SBNO2: variants seen among roughly 807,000 people sequenced by gnomAD.
SBNO2 encodes strawberry notch homolog 2.
In SBNO2, 89 loss-of-function variants were observed where a neutral mutation model predicts 146.3. The ratio of observed to expected loss-of-function variants is 0.61; its 90% CI spans 0.51 to 0.73. The LOEUF (loss-of-function observed/expected upper bound fraction) is 0.73, where lower values mean the gene tolerates loss of function less well. Ranked by LOEUF, SBNO2 falls within the 30% of genes least tolerant of loss-of-function variation. The pLI is 0.00. For missense variants in SBNO2, 2,092 were observed against 2,003.7 expected (o/e 1.04, Z -0.84); for synonymous variants, 1,147 against 892.6 (o/e 1.29, Z -5.08).
rs1195996264 is a variant in SBNO2 at position 1,114,401 on chromosome 19, G to A, written c.1907C>T (p.Ala636Val). Residue 636 changes from alanine (A) to valine (V), a missense_variant, in exon 18 of 32, where the codon GCC becomes GTC. Ala to Val is a moderately conservative substitution (Grantham distance 64). Coordinates refer to ENST00000361757, the MANE Select transcript of SBNO2 (RefSeq NM_014963.3). ...KRKRRPRGRG[A>V]KAPRLACETA... is the part of the protein sequence containing the mutation. ...CTCGCACGCCAGCCGGGGGGCTTTG[G>A]CCCCGCGTCCCCGAGGTCGCCCTGC... is the stretch of plus-strand genomic sequence containing the variant. The A allele has an allele frequency of 1.3e-6, 2 of 1,543,314 alleles. No homozygotes were observed. Among genetic ancestry groups the A allele is most frequent in the South Asian group, 2.4e-5 (2 of 83,014 alleles).
rs2079735817 is a variant in SBNO2, at chr19:1,109,986, G to A, written c.3029-209C>T. On this transcript the variant is annotated intron_variant, in intron 26 of 31. Transcript: ENST00000361757. This position sits in a 1 kb window ranked among gnomAD's most constrained non-coding sequence, Gnocchi z 4.2. ...CCGCTCAGGTCCTAGGTAACCCCGA[G>A]CAGGCTGTGGGGGATCGTGGGAGCC... 6.6e-6 allele frequency among the ~76,000 whole-genome samples: 1 copy of A among 151,928 alleles called. No individual in the cohort carries two copies. The highest frequency in any genetic ancestry group is 2.4e-5 in the African/African-American group (1 of 41,310).
chr19:1,166,081 T>C (rs370806615), intron 1 of SBNO2, among the ~76,000 whole-genome samples: 237 of 1,748 alleles, frequency 0.14, no homozygotes, highest in African/African-American at 0.16. Flanking sequence ...AGATCTCAGA[T>C]CCCAGACCCT....
intron 1 of SBNO2, among the ~76,000 whole-genome samples, chr19:1,164,289 C>G (rs2080379732): frequency 6.6e-6 from 1 of 152,168 alleles, no homozygotes; most frequent in South Asian, 2.1e-4. Context: ...CTTCTCTTGC[C>G]AAACCTCCTG....
intron 1 of SBNO2, among the ~76,000 whole-genome samples, chr19:1,155,678 G>A (rs549503376): frequency 7.2e-5 from 11 of 152,286 alleles, no homozygotes; most frequent in African/African-American, 2.2e-4. Flanking sequence ...TCCAAGCCTC[G>A]GTATGTTCCT....
In SBNO2 at chr19:1,144,649, GAC is replaced by G. The variant is rs1383695135; in HGVS notation, c.279+2658_279+2659del. Among the ~76,000 whole-genome samples the G allele has an allele frequency of 2.0e-5, 3 of 151,996 alleles. No homozygotes were observed. Among genetic ancestry groups the G allele is most frequent in the African/African-American group, 4.8e-5 (2 of 41,366 alleles). On this transcript the variant is annotated intron_variant, in intron 4 of 31. Coordinates refer to ENST00000361757, the MANE Select transcript of SBNO2 (RefSeq NM_014963.3). This position sits in a 1 kb window ranked among gnomAD's most constrained non-coding sequence, Gnocchi z 4.1. ...AGACGAAGACAGAGAGGGCGACAGA[GAC>G]AGAGGCAGAGAGGGAAACAGACGAA...
chr19:1,128,445 T>G (rs2079992660), intron 4 of SBNO2, among the ~76,000 whole-genome samples: 1 of 150,480 alleles, frequency 6.6e-6, no homozygotes, highest in African/African-American at 2.4e-5. Context: ...CGGGCTGGAG[T>G]GCAATGGTGT....
Position 1,113,847 on chromosome 19 carries a change from C to T in SBNO2, c.2078-143G>A, listed in dbSNP as rs552847423. ...GCAGGGTGGCGGGGAAGCCCGGCAC[C>T]GTGGCCCAGGACTGCTTTTCTGCAC... On this transcript the variant is annotated intron_variant, in intron 18 of 31. Coordinates refer to ENST00000361757, the MANE Select transcript of SBNO2 (RefSeq NM_014963.3). 21 of 1,134,846 alleles carry T rather than the reference C, an allele frequency of 1.9e-5. No homozygotes were observed. In the African/African-American group the frequency reaches 2.0e-4, roughly 11 times the overall value. The allele number at this position is 1,134,846 out of a possible 1,614,324, so 70.3% of individuals were successfully genotyped here.
Position 1,119,587 on chromosome 19 carries a change from GCT to G in SBNO2, c.1300_1301del (p.Ser434ProfsTer15). On this transcript the variant is annotated frameshift_variant, in exon 13 of 32. Coordinates refer to ENST00000361757, the MANE Select transcript of SBNO2 (RefSeq NM_014963.3). LOFTEE classifies it high-confidence loss of function. ...ASEPRNMIYM[S>X]RLGIWGEGTP... ...TGCCCTCGCCCCAGATACCCAAGCG[GCT>G]CATGTAGATCATGTTCCGAGGCTCA... is the stretch of plus-strand genomic sequence containing the variant. The G allele has an allele frequency of 6.2e-7, 1 of 1,611,322 alleles. No individual in the cohort carries two copies. Among genetic ancestry groups the G allele is most frequent in the Non-Finnish European group, 8.5e-7 (1 of 1,179,024 alleles).
Position 1,157,274 on chromosome 19 carries a change from A to C in SBNO2, c.-126-2872T>G, listed in dbSNP as rs2080299689. Among the ~76,000 whole-genome samples the C allele has an allele frequency of 6.6e-6, 1 of 151,740 alleles. No homozygotes were observed. The highest frequency in any genetic ancestry group is 1.5e-5 in the Non-Finnish European group (1 of 67,906). On this transcript the variant is annotated intron_variant, in intron 1 of 31. Transcript: ENST00000361757. The surrounding 1 kb of genome is among the most constrained non-coding windows in gnomAD (Gnocchi z 6.8). ...TGCCCCAATCCCCAGGATAAACCCT[A>C]GTGGGACACTGGGTGGGGTCTTGGG...
chr19:1,109,838 G>T lies in SBNO2; in HGVS notation c.3029-61C>A. On this transcript the variant is annotated intron_variant, in intron 26 of 31. Transcript: ENST00000361757. The surrounding 1 kb of genome is among the most constrained non-coding windows in gnomAD (Gnocchi z 4.2). ...CCTGGGACTGTGGGCTGGGGCCAGG[G>T]TCAGTCCCGTAGCCGGGGCGCACCC... The T allele has an allele frequency of 2.3e-6, 3 of 1,302,928 alleles. No individual in the cohort carries two copies. The highest frequency in any genetic ancestry group is 3.2e-6 in the Non-Finnish European group (3 of 933,298). The allele number at this position is 1,302,928 out of a possible 1,614,324, so 80.7% of individuals were successfully genotyped here. A position where few individuals can be genotyped will look rare whatever the true frequency, so the allele number is the denominator to read the frequency against.
chr19:1,147,296 C>T lies in SBNO2; in HGVS notation c.279+13G>A. 6.4e-7 allele frequency: 1 copy of T among 1,563,190 alleles called. No individual in the cohort carries two copies. Among genetic ancestry groups the T allele is most frequent in the Admixed American group, 1.8e-5 (1 of 56,144 alleles). On this transcript the variant is annotated intron_variant, in intron 4 of 31. Coordinates refer to ENST00000361757, the MANE Select transcript of SBNO2 (RefSeq NM_014963.3). ...CTGCCCCCCACGGCGCGGTGAGCTC[C>T]TGGGGCTCCTACCTGAGCAAAGTCG...
rs10411834 is a variant in SBNO2, at chr19:1,128,192, A to G, written c.280-427T>C. 6.0e-3 allele frequency: 2,954 copies of G among 493,072 alleles called. 78 individuals are homozygous for G. The highest frequency in any genetic ancestry group is 0.052 in the African/African-American group (2,686 of 51,456). The allele number at this position is 493,072 out of a possible 1,614,324, so 30.5% of individuals were successfully genotyped here. A position where few individuals can be genotyped will look rare whatever the true frequency, so the allele number is the denominator to read the frequency against. On this transcript the variant is annotated intron_variant, in intron 4 of 31. Transcript: ENST00000361757. The stretch of plus-strand genomic sequence containing the variant: ...GTGAGAAACACCAACCCTCAGGGCC[A>G]CGCAGGACGGCGTCTGACTTCTGCA...
chr19:1,170,565 C>T (rs1315356727), intron 1 of SBNO2, among the ~76,000 whole-genome samples: 3 of 152,120 alleles, frequency 2.0e-5, no homozygotes, highest in Non-Finnish European at 2.9e-5. Flanking sequence ...ACACAGCCCT[C>T]GGCTGTGGAA....
chr19:1,140,922 G>A lies in SBNO2; in HGVS notation c.279+6387C>T, dbSNP rs113243056. Among the ~76,000 whole-genome samples the A allele has an allele frequency of 3.9e-5, 6 of 152,144 alleles. No individual in the cohort carries two copies. The highest frequency in any genetic ancestry group is 8.8e-5 in the Non-Finnish European group (6 of 68,020). On this transcript the variant is annotated intron_variant, in intron 4 of 31. Transcript: ENST00000361757. The surrounding 1 kb of genome is among the most constrained non-coding windows in gnomAD (Gnocchi z 4.4). Reference sequence around the variant, plus strand: ...CTCCGGTCCACGCCGCACTGTACATGGTGCCGTCTGAGGGATTCCTCCATC... The same window carrying A: ...CTCCGGTCCACGCCGCACTGTACATAGTGCCGTCTGAGGGATTCCTCCATC...
chr19:1,166,388 C>T (rs1319691688), intron 1 of SBNO2, among the ~76,000 whole-genome samples: 4 of 152,192 alleles, frequency 2.6e-5, no homozygotes, highest in South Asian at 2.1e-4. Flanking sequence ...TGCTACCTGG[C>T]GGTTAAAGGC....
chr19:1,172,119 G>C (rs550524320), intron 1 of SBNO2, among the ~76,000 whole-genome samples: 1 of 152,288 alleles, frequency 6.6e-6, no homozygotes, highest in South Asian at 2.1e-4. Context: ...TGTCTGCCGG[G>C]ATCCTCAGAG....
At chr19:1,119,446 T>G in intron 13 of SBNO2, 70 bp downstream of exon 13, 1 of 1,254,148 alleles carries the variant, frequency 8.0e-7, no homozygotes, top group South Asian at 1.3e-5. Flanking sequence ...TGCCAGGCCT[T>G]GGGCTGATGG....
intron 1 of SBNO2, among the ~76,000 whole-genome samples, chr19:1,169,902 C>T (rs138925112): frequency 2.0e-5 from 3 of 152,298 alleles, no homozygotes; most frequent in East Asian, 3.9e-4. Context: ...CCCCAAAACA[C>T]AGCCGTGTCC....
intron 17 of SBNO2, 50 bp from the exon 18 acceptor site, chr19:1,114,472 G>C: frequency 7.0e-7 from 1 of 1,431,534 alleles, no homozygotes; most frequent in Non-Finnish European, 9.3e-7. Context: ...CAAGGTGGAG[G>C]AGCAGGTGGA....
Sources: allele counts gnomAD v4.1 joint callset (sites outside exome capture counted in the v4.1 genomes callset), GRCh38; gene constraint gnomAD v4.1.1; non-coding constraint Gnocchi (gnomAD v3.1); transcripts MANE v1.5; gene names NCBI Gene and HGNC (gene_info 2026-07-23, HGNC 2026-07-21).